The following GRIK2 variants were observed in gnomAD, a reference collection of about 807,000 sequenced individuals.
GRIK2 encodes glutamate receptor ionotropic, kainate 2.
A neutral mutation model predicts 100.3 loss-of-function variants in GRIK2; 32 were observed. The observed-to-expected ratio is 0.32, with a 90% CI of 0.24 to 0.43. The LOEUF (loss-of-function observed/expected upper bound fraction) is 0.43, where lower values mean the gene tolerates loss of function less well. Ranked by LOEUF, GRIK2 falls within the 20% of genes least tolerant of loss-of-function variation. The pLI, the probability that GRIK2 is intolerant of heterozygous loss-of-function variation, is 1.00. For synonymous variants in GRIK2, 417 were observed against 389.4 expected, an observed-to-expected ratio of 1.07 and a Z score of -0.83; for missense variants, 843 against 1,114.9, an observed-to-expected ratio of 0.76 and a Z score of 3.47.
At chr6:101,395,148 G>A (rs1365843613) in intron 1 of GRIK2, among the ~76,000 whole-genome samples, 1 of 152,204 alleles carries the variant, frequency 6.6e-6, no homozygotes, top group African/African-American at 2.4e-5. Flanking sequence ...TGAGTTGCAA[G>A]TATGCAACAG....
chr6:101,908,503 A>C (rs1319295014), intron 12 of GRIK2, among the ~76,000 whole-genome samples: 1 of 151,346 alleles, frequency 6.6e-6, no homozygotes, highest in Non-Finnish European at 1.5e-5. Context: ...ATTACAGATA[A>C]ATATATTTAC....
At chr6:101,845,410 A>G (rs977351864) in intron 10 of GRIK2, among the ~76,000 whole-genome samples, 1 of 152,136 alleles carries the variant, frequency 6.6e-6, no homozygotes, top group Non-Finnish European at 1.5e-5. Flanking sequence ...AGAATCATGT[A>G]CTGTGTGGCT....
chr6:101,758,752 T>A (rs1237188818), intron 7 of GRIK2, among the ~76,000 whole-genome samples: 1 of 152,190 alleles, frequency 6.6e-6, no homozygotes, highest in Non-Finnish European at 1.5e-5. Flanking sequence ...GTAATAGATT[T>A]TATTACGTGA....
rs186179653 is a variant in GRIK2, at chr6:101,493,255, C to T, written c.115+93863C>T. Among the ~76,000 whole-genome samples the T allele has an allele frequency of 1.4e-3, 215 of 152,034 alleles. 1 individual carries two copies. Among genetic ancestry groups the T allele is most frequent in the African/African-American group, 4.4e-3 (181 of 41,522 alleles). ...AGATGTTTCTGGAAATATCAAAAGG[C>T]GCAAATTCTCAAATTCAGTAAATCT... On this transcript the variant is annotated intron_variant, in intron 2 of 16. Transcript: ENST00000369134.
At chr6:101,537,455 CGT>C (rs559277470) in intron 2 of GRIK2, among the ~76,000 whole-genome samples, 40 of 130,554 alleles carry the variant, frequency 3.1e-4, no homozygotes, top group East Asian at 1.4e-3. Flanking sequence ...TGTGTGTGTG[CGT>C]GTGTGTGTGT....
At chr6:101,537,135 A>G (rs913855636) in intron 2 of GRIK2, among the ~76,000 whole-genome samples, 9 of 151,786 alleles carry the variant, frequency 5.9e-5, no homozygotes, top group Admixed American at 5.3e-4. Flanking sequence ...AAACTGATCT[A>G]TTTATTCCCG....
At chr6:101,681,968 G>C (rs1771288321) in intron 5 of GRIK2, among the ~76,000 whole-genome samples, 1 of 152,144 alleles carries the variant, frequency 6.6e-6, no homozygotes, top group Admixed American at 6.5e-5. Flanking sequence ...GTCTAAAATT[G>C]ATGAGGACTG....
At chr6:101,886,209 C>T (rs1786601971) in intron 11 of GRIK2, among the ~76,000 whole-genome samples, 1 of 152,124 alleles carries the variant, frequency 6.6e-6, no homozygotes, top group Admixed American at 6.6e-5. Flanking sequence ...TCTAAATTCT[C>T]TGGTGTCTTT....
chr6:101,864,062 G>C (rs567913918), intron 11 of GRIK2, among the ~76,000 whole-genome samples: 1 of 149,824 alleles, frequency 6.7e-6, no homozygotes, highest in South Asian at 2.1e-4. Flanking sequence ...GCGTGAACCC[G>C]GGAAGCGGAG....
At chr6:101,706,371 C>G (rs949007580) in intron 7 of GRIK2, among the ~76,000 whole-genome samples, 8 of 151,836 alleles carry the variant, frequency 5.3e-5, no homozygotes, top group African/African-American at 1.9e-4. Context: ...TATTCAAATT[C>G]AAATTTTCTT....
At chr6:101,789,924 C>T (rs1204130685) in intron 7 of GRIK2, among the ~76,000 whole-genome samples, 2 of 152,100 alleles carry the variant, frequency 1.3e-5, no homozygotes, top group East Asian at 1.9e-4. Flanking sequence ...TCCTTCACGT[C>T]CCTTGTAAGT....
rs138145973 is a variant in GRIK2, at chr6:101,729,827, C to T, written c.951+43474C>T. On this transcript the variant is annotated intron_variant, in intron 7 of 16. Coordinates refer to ENST00000369134, the MANE Select transcript of GRIK2 (RefSeq NM_021956.5). ...ATAGATTTGTCTAACAATATTTGTTCGGAAATAGAACATTTGGACTTTTTA... is the reference window on the plus strand; with the variant it reads ...ATAGATTTGTCTAACAATATTTGTTTGGAAATAGAACATTTGGACTTTTTA... 3.4e-3 allele frequency among the ~76,000 whole-genome samples: 510 copies of T among 151,724 alleles called. 3 individuals carry two copies. The highest frequency in any genetic ancestry group is 0.01 in the African/African-American group (431 of 41,434).
At chr6:101,814,070 T>C (rs1194297309) in intron 9 of GRIK2, among the ~76,000 whole-genome samples, 2 of 152,124 alleles carry the variant, frequency 1.3e-5, no homozygotes, top group African/African-American at 2.4e-5. Flanking sequence ...TTTTTATGGC[T>C]GAATATTCGT....
At chr6:102,049,585 G>T (rs1406274530) in intron 15 of GRIK2, among the ~76,000 whole-genome samples, 2 of 152,072 alleles carry the variant, frequency 1.3e-5, no homozygotes, top group African/African-American at 4.8e-5. Context: ...ATGTGAATTT[G>T]CATGAGATAT....
intron 4 of GRIK2, among the ~76,000 whole-genome samples, chr6:101,659,977 T>C (rs1769491865): frequency 6.6e-6 from 1 of 152,140 alleles, no homozygotes; most frequent in Non-Finnish European, 1.5e-5. Flanking sequence ...AAGAGTATCT[T>C]TGTGGTGTTC....
At chr6:101,394,358 G>T (rs552937250) in intron 1 of GRIK2, among the ~76,000 whole-genome samples, 3 of 152,204 alleles carry the variant, frequency 2.0e-5, no homozygotes, top group Non-Finnish European at 4.4e-5. Context: ...TTAGGGTAAG[G>T]AGTGGGCAGT....
intron 7 of GRIK2, among the ~76,000 whole-genome samples, chr6:101,706,127 A>G (rs1381471819): frequency 1.3e-5 from 2 of 152,062 alleles, no homozygotes; most frequent in South Asian, 2.1e-4. Context: ...GAACATCATG[A>G]GGACATCACT....
chr6:102,014,726 C>CCAT (rs1323954161), intron 14 of GRIK2, among the ~76,000 whole-genome samples: 1 of 152,114 alleles, frequency 6.6e-6, no homozygotes, highest in African/African-American at 2.4e-5. Context: ...TGTTTCATTT[C>CCAT]CATCTAATTG....
intron 10 of GRIK2, among the ~76,000 whole-genome samples, chr6:101,849,291 C>T (rs1783982113): frequency 6.6e-6 from 1 of 152,000 alleles, no homozygotes; most frequent in South Asian, 2.1e-4. Flanking sequence ...ATCCTTTGTT[C>T]CATCTCCTTA....
Sources: allele counts gnomAD v4.1 joint callset (sites outside exome capture counted in the v4.1 genomes callset), GRCh38; gene constraint gnomAD v4.1.1; transcripts MANE v1.5; gene names NCBI Gene and HGNC (gene_info 2026-07-23, HGNC 2026-07-21).